Variants in SDK2 observed in about 807,000 individuals in gnomAD.
SDK2 encodes the protein sidekick cell adhesion molecule 2.
In SDK2, 105 loss-of-function variants were observed where a neutral mutation model predicts 253.9. The ratio of observed to expected loss-of-function variants is 0.41; its 90% CI spans 0.35 to 0.49. SDK2 has a LOEUF of 0.49. Ranked by LOEUF, SDK2 falls within the 20% of genes least tolerant of loss-of-function variation. The pLI is 0.06. For missense variants in SDK2, 2,608 were observed against 3,003.0 expected, an observed-to-expected ratio of 0.87 and a Z score of 3.07; for synonymous variants, 1,249 against 1,234.9, an observed-to-expected ratio of 1.01 and a Z score of -0.24.
intron 2 of SDK2, among the ~76,000 whole-genome samples, chr17:73,499,489 G>A (rs919525902): frequency 6.6e-6 from 1 of 152,248 alleles, no homozygotes; most frequent in Non-Finnish European, 1.5e-5. Context: ...ATGGGCCAGG[G>A]GTGGGACTCG....
At chr17:73,417,564 G>A (rs1410694932) in intron 16 of SDK2, among the ~76,000 whole-genome samples, 1 of 152,152 alleles carries the variant, frequency 6.6e-6, no homozygotes, top group African/African-American at 2.4e-5. Context: ...GGATGTGTCT[G>A]GACTATTCTA....
intron 32 of SDK2, among the ~76,000 whole-genome samples, chr17:73,385,094 G>A (rs1250353754): frequency 2.0e-5 from 3 of 152,228 alleles, no homozygotes; most frequent in Admixed American, 6.5e-5. Flanking sequence ...GAAGGGGAGT[G>A]CCTGCCCCTT....
chr17:73,555,491 G>A (rs1026106702), intron 1 of SDK2, among the ~76,000 whole-genome samples: 3 of 152,250 alleles, frequency 2.0e-5, no homozygotes, highest in Non-Finnish European at 2.9e-5. Context: ...AAAGGAAGGG[G>A]CTGGCCCAAG....
chr17:73,581,052 G>T (rs979618421), intron 1 of SDK2, among the ~76,000 whole-genome samples: 9 of 148,922 alleles, frequency 6.0e-5, no homozygotes, highest in South Asian at 2.1e-4. Flanking sequence ...GTATTTTTTG[G>T]TTTTTTTTTT....
In SDK2 at chr17:73,390,304, A is replaced by C. The variant is rs1259507232; in HGVS notation, c.4175T>G (p.Val1392Gly). 4 of 1,462,264 alleles carry C rather than the reference A, an allele frequency of 2.7e-6. No homozygotes were observed. Among genetic ancestry groups the C allele is most frequent in the South Asian group, 2.6e-5 (2 of 75,540 alleles). The allele number at this position is 1,462,264 out of a possible 1,614,324, so 90.6% of individuals were successfully genotyped here. The change falls in exon 29 of 45, where the codon GTG becomes GGG. Residue 1392 changes from valine to glycine, a missense_variant. Val to Gly is a moderately radical substitution (Grantham distance 109, BLOSUM62 -3). This residue lies in a region of SDK2 where 1,103 missense variants were observed against 1,143.9 expected (regional missense o/e 0.96). Transcript: ENST00000392650. Reference protein sequence around the residue: ...GWGEAAEALVVTTEKRDRPQP... With the variant: ...GWGEAAEALVGTTEKRDRPQP... ...GCAGTCACCTCTCTTCTCGGTGGTC[A>C]CCACCAAGGCCTCGGCAGCTTCTCC...
chr17:73,389,465 T>C (rs1267175503), intron 29 of SDK2, among the ~76,000 whole-genome samples: 1 of 152,150 alleles, frequency 6.6e-6, no homozygotes, highest in Non-Finnish European at 1.5e-5. Context: ...ATTACAGGTG[T>C]GAGCCACCAT....
At position 73,383,027 on chromosome 17, in the gene SDK2, T is replaced by A. The variant is rs1215911850; in HGVS notation, c.4705+849A>T. Among the ~76,000 whole-genome samples, 2 of 152,050 alleles carry A rather than the reference T, an allele frequency of 1.3e-5. No individual in the cohort carries two copies. Among genetic ancestry groups the A allele is most frequent in the Non-Finnish European group, 2.9e-5 (2 of 68,034 alleles). On this transcript the variant is annotated intron_variant, in intron 33 of 44. Transcript: ENST00000392650. The surrounding 1 kb of genome is among the most constrained non-coding windows in gnomAD (Gnocchi z 4.3). ...CTGGGCAACAGAGCGAGACTCTGTCTAAAAAAACCCAAAAAACAAAAAAAC... is the reference window on the plus strand; with the variant it reads ...CTGGGCAACAGAGCGAGACTCTGTCAAAAAAAACCCAAAAAACAAAAAAAC...
At chr17:73,587,746 G>A (rs567784542) in intron 1 of SDK2, among the ~76,000 whole-genome samples, 1 of 152,296 alleles carries the variant, frequency 6.6e-6, no homozygotes, top group East Asian at 1.9e-4. Flanking sequence ...CCTCAGGCCC[G>A]CTTCTCTGGA....
chr17:73,358,565 A>C lies in SDK2; in HGVS notation c.5468-361T>G, dbSNP rs531201104. Among the ~76,000 whole-genome samples, 3 of 152,108 alleles carry C rather than the reference A, an allele frequency of 2.0e-5. No individual in the cohort carries two copies. In the South Asian group the frequency reaches 6.2e-4, roughly 32 times the overall value. On this transcript the variant is annotated intron_variant, in intron 39 of 44. Transcript: ENST00000392650. Reference sequence around the variant, plus strand: ...TTCCAGTGCCTCCGTTTCCCCCTCTATAAGGGCCTTTTGGAAGGTAAGGCT... The same window carrying C: ...TTCCAGTGCCTCCGTTTCCCCCTCTCTAAGGGCCTTTTGGAAGGTAAGGCT...
At chr17:73,458,173 G>A (rs1281777862) in intron 3 of SDK2, among the ~76,000 whole-genome samples, 5 of 152,138 alleles carry the variant, frequency 3.3e-5, no homozygotes, top group Admixed American at 3.3e-4. Flanking sequence ...ACGAGGTCTT[G>A]TTATGTTGCC....
intron 18 of SDK2, among the ~76,000 whole-genome samples, chr17:73,407,996 TTG>T (rs2063092621): frequency 6.6e-6 from 1 of 151,770 alleles, no homozygotes; most frequent in African/African-American, 2.4e-5. Context: ...CAGCCGGACT[TTG>T]TGCTTTCTGA....
At chr17:73,345,046 C>T (rs1023889146) in intron 44 of SDK2, among the ~76,000 whole-genome samples, 6 of 152,166 alleles carry the variant, frequency 3.9e-5, no homozygotes, top group African/African-American at 9.7e-5. Context: ...TGGCCGGGTG[C>T]GGTGGCTCAC....
intron 18 of SDK2, among the ~76,000 whole-genome samples, chr17:73,413,035 G>A (rs953258685): frequency 6.6e-6 from 1 of 152,100 alleles, no homozygotes; most frequent in African/African-American, 2.4e-5. Context: ...AATCCCCCAC[G>A]GACCACCAGG....
chr17:73,415,823 T>C lies in SDK2; in HGVS notation c.2356A>G (p.Thr786Ala). The C allele has an allele frequency of 6.4e-7, 1 of 1,552,952 alleles. No individual in the cohort carries two copies. Among genetic ancestry groups the C allele is most frequent in the South Asian group, 1.2e-5 (1 of 84,096 alleles). The part of the protein sequence containing the change: ...GVYSSKVTEW[T>A]LQGVPTVPPG... ...AGTCTCTACCTACCTCCCTGCAGCG[T>C]CCACTCGGTGACTTTACTGCTGTAG... Residue 786 changes from threonine (T) to alanine (A), a missense_variant, in exon 17 of 45, where the codon ACG becomes GCG. Thr to Ala is a moderately conservative substitution (Grantham distance 58). Around this residue, in one of 2 missense-constraint regions of SDK2, gnomAD observed 1,505 missense variants for 1,859.1 expected, o/e 0.81. Transcript: ENST00000392650.
intron 40 of SDK2, chr17:73,357,807 C>T (rs539596684): frequency 4.3e-5 from 24 of 559,992 alleles, no homozygotes; most frequent in African/African-American, 2.3e-4. Context: ...CTCAGGCTTC[C>T]GGCTTCCTGA....
chr17:73,400,953 G>A, intron 21 of SDK2, 67 bp downstream of exon 21: 2 of 1,456,212 alleles, frequency 1.4e-6, no homozygotes, highest in Non-Finnish European at 1.9e-6. Flanking sequence ...CAGCCGACAA[G>A]GGGCCTCTTG....
intron 18 of SDK2, among the ~76,000 whole-genome samples, chr17:73,412,101 T>TAC (rs2063141059): frequency 1.1e-5 from 1 of 92,576 alleles, no homozygotes; most frequent in Non-Finnish European, 2.4e-5. Flanking sequence ...TACGTATATA[T>TAC]GTATACGTAT....
intron 1 of SDK2, 123 bp from the exon 2 acceptor site, chr17:73,507,720 C>T (rs1567812941): frequency 9.3e-7 from 1 of 1,071,910 alleles, no homozygotes; most frequent in Non-Finnish European, 1.3e-6. Flanking sequence ...TGCCCAAGGT[C>T]CCGTGGCTGG....
chr17:73,525,462 AGGGAATAAAACACGTGGTCCAAAAAAGC>A (rs1260792809), intron 1 of SDK2, among the ~76,000 whole-genome samples: 1 of 152,212 alleles, frequency 6.6e-6, no homozygotes, highest in African/African-American at 2.4e-5. Flanking sequence ...GGCTGGTGAC[AGGGAATAAAACACGTGGTCCAAAAAAGC>A]CCCATGTGAG....
Sources: allele counts gnomAD v4.1 joint callset (sites outside exome capture counted in the v4.1 genomes callset), GRCh38; gene constraint gnomAD v4.1.1; regional missense constraint gnomAD v4.1.1; non-coding constraint Gnocchi (gnomAD v3.1); transcripts MANE v1.5; gene names NCBI Gene and HGNC (gene_info 2026-07-23, HGNC 2026-07-21).